The following DSCAM variants were observed in gnomAD, a reference collection of about 807,000 sequenced individuals.
DSCAM encodes cell adhesion molecule DSCAM.
Under a neutral mutation model 217.7 loss-of-function variants are expected in DSCAM, and 47 were observed. The observed-to-expected ratio is 0.22, with a 90% CI of 0.17 to 0.28. The LOEUF (loss-of-function observed/expected upper bound fraction) is 0.28. Ranked by LOEUF, DSCAM falls within the 10% of genes least tolerant of loss-of-function variation. The pLI is 1.00. For missense variants in DSCAM, 2,080 were observed against 2,618.3 expected, an observed-to-expected ratio of 0.79 and a Z score of 4.49; for synonymous variants, 1,056 against 1,015.3, an observed-to-expected ratio of 1.04 and a Z score of -0.76.
chr21:40,078,442 C>T (rs1407200169), intron 26 of DSCAM, among the ~76,000 whole-genome samples: 3 of 152,156 alleles, frequency 2.0e-5, no homozygotes, highest in East Asian at 3.9e-4. Flanking sequence ...TCACTCCTGC[C>T]CCATGACTCC....
At position 40,846,772 on chromosome 21, in the gene DSCAM, C is replaced by CCCG. The variant is rs1555894830; in HGVS notation, c.-114_-112dup. On this transcript the variant is annotated 5_prime_UTR_variant, in exon 1 of 33. Transcript: ENST00000400454. The stretch of plus-strand genomic sequence containing the variant: ...GCACCTGCCCGGGGGCCGCCGCCCG[C>CCCG]CCGCCGCCCGCCGCCGCCGCCGCCG... 3.1e-5 allele frequency: 11 copies of CCCG among 358,584 alleles called. No homozygotes were observed. Among genetic ancestry groups the CCCG allele is most frequent in the African/African-American group, 2.5e-4 (11 of 43,756 alleles). The allele number at this position is 358,584 out of a possible 1,614,324, so 22.2% of individuals were successfully genotyped here. A position where few individuals can be genotyped will look rare whatever the true frequency, so the allele number is the denominator to read the frequency against.
At chr21:40,423,565 C>T (rs2075444833) in intron 3 of DSCAM, among the ~76,000 whole-genome samples, 1 of 152,194 alleles carries the variant, frequency 6.6e-6, no homozygotes, top group Non-Finnish European at 1.5e-5. Context: ...CTTCAAGTTG[C>T]CTGCTTCAGT....
chr21:40,802,719 T>C (rs558885449), intron 1 of DSCAM, among the ~76,000 whole-genome samples: 7 of 152,346 alleles, frequency 4.6e-5, no homozygotes, highest in African/African-American at 1.7e-4. Flanking sequence ...CCCTTCACCA[T>C]GTGATGGCCT....
intron 2 of DSCAM, among the ~76,000 whole-genome samples, chr21:40,699,426 C>A (rs1029372341): frequency 3.3e-5 from 5 of 152,172 alleles, no homozygotes; most frequent in South Asian, 2.1e-4. Context: ...TACTTTAAAT[C>A]AAAATCTAGA....
At position 40,749,615 on chromosome 21, in the gene DSCAM, G is replaced by A. The variant is rs138705576; in HGVS notation, c.44-40844C>T. Among the ~76,000 whole-genome samples the A allele has an allele frequency of 6.4e-4, 97 of 152,272 alleles. 1 individual carries two copies. The highest frequency in any genetic ancestry group is 3.4e-3 in the Middle Eastern group (1 of 294). ...TGTGGAGAAAAGAGAGCTCTTCCACGCTGTTGGTGAGAATGTAAATAAGTA... is the reference window on the plus strand; with the variant it reads ...TGTGGAGAAAAGAGAGCTCTTCCACACTGTTGGTGAGAATGTAAATAAGTA... On this transcript the variant is annotated intron_variant, in intron 1 of 32. Coordinates refer to ENST00000400454, the MANE Select transcript of DSCAM (RefSeq NM_001389.5).
intron 3 of DSCAM, among the ~76,000 whole-genome samples, chr21:40,573,034 A>T (rs970538053): frequency 4.6e-5 from 7 of 152,338 alleles, no homozygotes; most frequent in African/African-American, 1.4e-4. Context: ...AATCATAATG[A>T]TAAAATTCAT....
At chr21:40,177,704 GT>G (rs1430078930) in intron 15 of DSCAM, among the ~76,000 whole-genome samples, 1 of 152,120 alleles carries the variant, frequency 6.6e-6, no homozygotes, top group East Asian at 1.9e-4. Flanking sequence ...TAATTGACCC[GT>G]TTGGCAATAT....
intron 3 of DSCAM, among the ~76,000 whole-genome samples, chr21:40,507,017 G>T (rs78007511): frequency 0.062 from 9,400 of 152,282 alleles, 427 homozygotes; most frequent in African/African-American, 0.12. Context: ...AGCGGCTCAC[G>T]CCTGTAATCC....
intron 3 of DSCAM, among the ~76,000 whole-genome samples, chr21:40,530,770 G>T (rs750372351): frequency 6.6e-6 from 1 of 151,824 alleles, no homozygotes; most frequent in Non-Finnish European, 1.5e-5. Flanking sequence ...CCACCCCATC[G>T]CTCGATAAGG....
intron 32 of DSCAM, among the ~76,000 whole-genome samples, chr21:40,041,212 T>G (rs1264574789): frequency 6.6e-6 from 1 of 152,188 alleles, no homozygotes; most frequent in Non-Finnish European, 1.5e-5. Flanking sequence ...AGAACAGTGG[T>G]GTAGAAAATG....
intron 3 of DSCAM, among the ~76,000 whole-genome samples, chr21:40,425,395 C>T (rs372869406): frequency 3.9e-5 from 6 of 151,956 alleles, no homozygotes; most frequent in South Asian, 2.1e-4. Flanking sequence ...TGAGAACATG[C>T]GGTGTTTGGT....
chr21:40,341,207 C>T (rs182637665), intron 6 of DSCAM, among the ~76,000 whole-genome samples: 6 of 152,282 alleles, frequency 3.9e-5, no homozygotes, highest in South Asian at 2.1e-4. Context: ...GCACTGCAGA[C>T]GTTGCCTCAT....
intron 3 of DSCAM, among the ~76,000 whole-genome samples, chr21:40,493,192 T>C (rs542807071): frequency 4.7e-4 from 72 of 152,326 alleles, no homozygotes; most frequent in African/African-American, 1.5e-3. Context: ...CCAACACTTA[T>C]ATTTTTAATG....
At chr21:40,351,092 G>A (rs1310055450) in intron 5 of DSCAM, among the ~76,000 whole-genome samples, 1 of 151,704 alleles carries the variant, frequency 6.6e-6, no homozygotes, top group Non-Finnish European at 1.5e-5. Context: ...TAGGTCTTTT[G>A]ACAAATTAGG....
intron 20 of DSCAM, among the ~76,000 whole-genome samples, chr21:40,104,130 T>C (rs925932884): frequency 1.3e-5 from 2 of 152,124 alleles, no homozygotes; most frequent in Non-Finnish European, 2.9e-5. Context: ...TGCTACAATT[T>C]TTCCTCATCC....
At chr21:40,615,397 T>A (rs1315097872) in intron 3 of DSCAM, 1 of 151,654 alleles carries the variant, frequency 6.6e-6, no homozygotes, top group Non-Finnish European at 1.5e-5. Flanking sequence ...TCAGCTTTAT[T>A]TTTTTTTAAA....
At chr21:40,485,316 C>T (rs2076017235) in intron 3 of DSCAM, among the ~76,000 whole-genome samples, 1 of 149,054 alleles carries the variant, frequency 6.7e-6, no homozygotes, top group Non-Finnish European at 1.5e-5. Context: ...GATCTCGGCT[C>T]ACTGCAAGCT....
chr21:40,031,295 T>G (rs755342601), intron 32 of DSCAM, among the ~76,000 whole-genome samples: 11 of 142,170 alleles, frequency 7.7e-5, no homozygotes, highest in Non-Finnish European at 1.6e-4. Context: ...GCTCCCAGAT[T>G]CCAGCTCTAC....
chr21:40,637,632 A>AATATATATAAAT (rs2089820174), intron 3 of DSCAM, among the ~76,000 whole-genome samples: 1 of 42,230 alleles, frequency 2.4e-5, no homozygotes, highest in African/African-American at 9.4e-5. Context: ...TACATATATA[A>AATATATATAAAT]ATATATATAA....
Sources: allele counts gnomAD v4.1 joint callset (sites outside exome capture counted in the v4.1 genomes callset), GRCh38; gene constraint gnomAD v4.1.1; transcripts MANE v1.5; gene names NCBI Gene and HGNC (gene_info 2026-07-23, HGNC 2026-07-21).